DAPK1: variants seen among roughly 807,000 people sequenced by gnomAD.
The protein encoded by DAPK1 is death associated protein kinase 1, also known as death-associated protein kinase 1.
A neutral mutation model predicts 144.9 loss-of-function variants in DAPK1; 56 were observed. The ratio of observed to expected loss-of-function variants is 0.39; its 90% CI spans 0.31 to 0.48. The LOEUF is 0.48. Ranked by LOEUF, DAPK1 falls within the 20% of genes least tolerant of loss-of-function variation. The pLI, the probability that DAPK1 is intolerant of heterozygous loss-of-function variation, is 0.95. For synonymous variants in DAPK1, 690 were observed against 749.0 expected (o/e 0.92, Z 1.29); for missense variants, 1,454 against 1,875.4 (o/e 0.78, Z 4.15).
chr9:87,585,571 C>G (rs1271481862), intron 2 of DAPK1, among the ~76,000 whole-genome samples: 1 of 152,178 alleles, frequency 6.6e-6, no homozygotes, highest in Non-Finnish European at 1.5e-5. Context: ...CTCTGTTATT[C>G]TTCTAATAAG....
At chr9:87,511,133 C>T (rs11141856) in intron 2 of DAPK1, among the ~76,000 whole-genome samples, 27,785 of 152,130 alleles carry the variant, frequency 0.18, 3,023 homozygotes, top group East Asian at 0.42. Flanking sequence ...CCTCTCTTCT[C>T]CTCTGCCTGT....
In DAPK1 at chr9:87,700,286, G is replaced by T. The variant is rs36219131; in HGVS notation, c.2871+49G>T. The T allele has an allele frequency of 1.3e-3, 1,926 of 1,538,098 alleles. 23 individuals are homozygous for T. The African/African-American group carries it at 0.024, about 19-fold the overall frequency. On this transcript the variant is annotated intron_variant, in intron 24 of 25. Transcript: ENST00000408954. ...TGGACCCCTTTGTACTTCCTTCCTGGTTTGCCTCTGGTTTCAGGGAACTGC... is the reference window on the plus strand; with the variant it reads ...TGGACCCCTTTGTACTTCCTTCCTGTTTTGCCTCTGGTTTCAGGGAACTGC...
chr9:87,550,951 C>T (rs1328373873), intron 2 of DAPK1, among the ~76,000 whole-genome samples: 3 of 152,172 alleles, frequency 2.0e-5, no homozygotes, highest in East Asian at 1.9e-4. Context: ...ACCCTGACCC[C>T]GGGGAGGGGG....
intron 3 of DAPK1, among the ~76,000 whole-genome samples, chr9:87,630,242 C>T (rs911590745): frequency 6.6e-6 from 1 of 152,224 alleles, no homozygotes; most frequent in South Asian, 2.1e-4. Context: ...CAACAGTTAG[C>T]ATGCTCTGTG....
chr9:87,674,514 C>CAAAAAA (rs35817698), intron 19 of DAPK1, among the ~76,000 whole-genome samples: 2 of 67,630 alleles, frequency 3.0e-5, no homozygotes, highest in Non-Finnish European at 5.3e-5. Context: ...GACTCTGTCT[C>CAAAAAA]AAAAAAAAAA....
At position 87,696,989 on chromosome 9, in the gene DAPK1, A is replaced by AT; in HGVS notation, c.2414-13dup. 1 of 1,332,146 alleles carries AT rather than the reference A, an allele frequency of 7.5e-7. No individual in the cohort carries two copies. Among genetic ancestry groups the AT allele is most frequent in the Non-Finnish European group, 1.1e-6 (1 of 922,538 alleles). 82.5% of individuals were successfully genotyped at this position (1,332,146 alleles called of 1,614,324 possible). A position where few individuals can be genotyped will look rare whatever the true frequency, so the allele number is the denominator to read the frequency against. On this transcript the variant is annotated splice_polypyrimidine_tract_variant and intron_variant, in intron 21 of 25. Transcript: ENST00000408954. ...TTAGTGGTGTTTCACGATTGTTATC[A>AT]TTTTTCTTTTTCTGTAGGAGTTGGC...
chr9:87,525,768 A>G (rs751629831), intron 2 of DAPK1, among the ~76,000 whole-genome samples: 1 of 152,140 alleles, frequency 6.6e-6, no homozygotes, highest in Non-Finnish European at 1.5e-5. Context: ...AGCATGGGGC[A>G]GGTGCTGAAT....
chr9:87,674,000 C>G (rs552619234), intron 19 of DAPK1, among the ~76,000 whole-genome samples: 168 of 152,222 alleles, frequency 1.1e-3, no homozygotes, highest in African/African-American at 3.6e-3. Context: ...CTCAGCCAAA[C>G]CCAGTTCTCC....
At chr9:87,547,150 C>A (rs770974474) in intron 2 of DAPK1, among the ~76,000 whole-genome samples, 26 of 152,128 alleles carry the variant, frequency 1.7e-4, no homozygotes, top group Non-Finnish European at 3.4e-4. Context: ...GAGCCAGACC[C>A]TGTCCCAAAA....
Position 87,707,345 on chromosome 9 carries a change from G to A in DAPK1, c.4274G>A (p.Ser1425Asn). 2 of 1,608,490 alleles carry A rather than the reference G, an allele frequency of 1.2e-6. No homozygotes were observed. Among genetic ancestry groups the A allele is most frequent in the Non-Finnish European group, 1.7e-6 (2 of 1,176,628 alleles). The change falls in exon 26 of 26, where the codon AGC becomes AAC. Residue 1425 changes from serine to asparagine, a missense_variant. Around this residue, in one of 2 missense-constraint regions of DAPK1, gnomAD observed 1,025 missense variants for 1,237.9 expected, o/e 0.83. Coordinates refer to ENST00000408954, the MANE Select transcript of DAPK1 (RefSeq NM_004938.4). The surrounding 1 kb of genome is among the most constrained non-coding windows in gnomAD (Gnocchi z 4.0). ...CNSGTSYNSI[S>N]SVVSR is the part of the protein sequence containing the mutation. ...AGCGGCACCTCTTACAATTCCATTA[G>A]CTCTGTTGTATCCCGGTGAGGGCAG...
intron 2 of DAPK1, among the ~76,000 whole-genome samples, chr9:87,519,781 G>A (rs1825225444): frequency 6.6e-6 from 1 of 152,148 alleles, no homozygotes; most frequent in East Asian, 1.9e-4. Flanking sequence ...TCTCGAAAGT[G>A]GCATTGTTTC....
At chr9:87,565,151 C>T (rs758388538) in intron 2 of DAPK1, among the ~76,000 whole-genome samples, 1 of 152,148 alleles carries the variant, frequency 6.6e-6, no homozygotes, top group Admixed American at 6.5e-5. Flanking sequence ...GAAAGCACCA[C>T]CACAGCTCCT....
intron 19 of DAPK1, among the ~76,000 whole-genome samples, chr9:87,675,375 G>A (rs554519921): frequency 6.6e-6 from 1 of 152,220 alleles, no homozygotes; most frequent in African/African-American, 2.4e-5. Flanking sequence ...AGGAAGGGCT[G>A]GAGGAAGACA....
rs1259059074 is a variant in DAPK1, at chr9:87,707,325, C to T, written c.4254C>T (p.Gly1418=). 8.1e-6 allele frequency: 13 copies of T among 1,611,674 alleles called. No homozygotes were observed. The highest frequency in any genetic ancestry group is 1.1e-5 in the South Asian group (1 of 90,650). The change falls in exon 26 of 26, where the codon GGC becomes GGT. Residue 1418 remains glycine, a synonymous_variant. Transcript: ENST00000408954. This position sits in a 1 kb window ranked among gnomAD's most constrained non-coding sequence, Gnocchi z 4.0. ...QEAYASSCNS[G]TSYNSISSVV... is the part of the protein sequence containing the mutation. Reference sequence around the variant, plus strand: ...CCTATGCCTCGAGCTGCAACAGCGGCACCTCTTACAATTCCATTAGCTCTG... The same window carrying T: ...CCTATGCCTCGAGCTGCAACAGCGGTACCTCTTACAATTCCATTAGCTCTG...
intron 18 of DAPK1, among the ~76,000 whole-genome samples, chr9:87,660,096 G>C (rs764656835): frequency 6.6e-6 from 1 of 152,166 alleles, no homozygotes; most frequent in East Asian, 1.9e-4. Context: ...ACAGAGTCCC[G>C]GGAGGATCTC....
At chr9:87,652,989 A>T (rs1310115236) in intron 17 of DAPK1, among the ~76,000 whole-genome samples, 3 of 94,962 alleles carry the variant, frequency 3.2e-5, no homozygotes, top group Non-Finnish European at 4.3e-5. Context: ...TTCTGTGTCC[A>T]TCCCCCCGAT....
At chr9:87,632,722 A>G in intron 3 of DAPK1, 4 of 980,308 alleles carry the variant, frequency 4.1e-6, no homozygotes, top group Non-Finnish European at 4.8e-6. Context: ...ACATGTAGAG[A>G]TGAAGGAGGG....
intron 19 of DAPK1, among the ~76,000 whole-genome samples, chr9:87,679,750 G>C (rs1587838797): frequency 6.6e-6 from 1 of 152,126 alleles, no homozygotes; most frequent in East Asian, 1.9e-4. Context: ...TCATTCTGTG[G>C]AGCCTCCTGC....
chr9:87,628,348 T>C (rs1206683436), intron 3 of DAPK1, among the ~76,000 whole-genome samples: 1 of 152,222 alleles, frequency 6.6e-6, no homozygotes, highest in Non-Finnish European at 1.5e-5. Context: ...TTCGTTGATA[T>C]GATTCATTTA....
Sources: allele counts gnomAD v4.1 joint callset (sites outside exome capture counted in the v4.1 genomes callset), GRCh38; gene constraint gnomAD v4.1.1; regional missense constraint gnomAD v4.1.1; non-coding constraint Gnocchi (gnomAD v3.1); transcripts MANE v1.5; gene names NCBI Gene and HGNC (gene_info 2026-07-23, HGNC 2026-07-21).